Variants in CIZ1 observed in about 807,000 individuals in gnomAD.
The protein encoded by CIZ1 is CDKN1A interacting zinc finger protein 1.
In CIZ1, 58 loss-of-function variants were observed where a neutral mutation model predicts 118.6. The observed-to-expected ratio is 0.49, with a 90% CI of 0.40 to 0.61. The LOEUF (loss-of-function observed/expected upper bound fraction) is 0.61, where lower values mean the gene tolerates loss of function less well. Ranked by LOEUF, CIZ1 falls within the 20% of genes least tolerant of loss-of-function variation. CIZ1 has a pLI of 0.00. For missense variants in CIZ1, 921 were observed against 1,115.9 expected (o/e 0.83, Z 2.49); for synonymous variants, 448 against 443.4 (o/e 1.01, Z -0.13).
At position 128,174,985 on chromosome 9, in the gene CIZ1, A is replaced by G. The variant is rs139553562; in HGVS notation, c.1943+1366T>C. On this transcript the variant is annotated intron_variant, in intron 11 of 16. Transcript: ENST00000372938. Reference sequence around the variant, plus strand: ...AATGTTCTTGATGGCCTCAGGGCCAAGTAGGATTCAAGAGAAGACTTCATG... The same window carrying G: ...AATGTTCTTGATGGCCTCAGGGCCAGGTAGGATTCAAGAGAAGACTTCATG... Among the ~76,000 whole-genome samples, 1,411 of 152,308 alleles carry G rather than the reference A, an allele frequency of 9.3e-3. 25 individuals are homozygous for G. The highest frequency in any genetic ancestry group is 0.033 in the African/African-American group (1,354 of 41,562).
chr9:128,187,847 A>G lies in CIZ1; in HGVS notation c.358+16T>C, dbSNP rs1016493975. ...TATATATACATTTATATATATATAT[A>G]AAAAGCATATAATACCCAGTGTTGC... On this transcript the variant is annotated intron_variant, in intron 4 of 16. Transcript: ENST00000372938. 3.0e-6 allele frequency: 2 copies of G among 660,684 alleles called. No homozygotes were observed. The highest frequency in any genetic ancestry group is 2.0e-5 in the Admixed American group (1 of 49,934). The allele number at this position is 660,684 out of a possible 1,614,324, so 40.9% of individuals were successfully genotyped here.
intron 3 of CIZ1, among the ~76,000 whole-genome samples, 181 bp from the exon 4 acceptor site, chr9:128,188,115 A>G (rs1832663794): frequency 2.7e-5 from 1 of 36,854 alleles, no homozygotes; most frequent in African/African-American, 4.8e-5. Flanking sequence ...GAAAGAAAAA[A>G]GCAAAAAAAA....
chr9:128,201,502 T>G (rs1324001910), intron 1 of CIZ1, among the ~76,000 whole-genome samples: 1 of 152,206 alleles, frequency 6.6e-6, no homozygotes, highest in African/African-American at 2.4e-5. Context: ...CCAGCCATGA[T>G]GCCCTCTAGG....
At chr9:128,172,860 A>T (rs981571207) in intron 11 of CIZ1, among the ~76,000 whole-genome samples, 27 of 152,136 alleles carry the variant, frequency 1.8e-4, no homozygotes, top group African/African-American at 4.3e-4. Context: ...AGAAAAAAAA[A>T]TTTTTTTGTA....
chr9:128,181,778 G>A (rs138170923), intron 5 of CIZ1, among the ~76,000 whole-genome samples: 3,790 of 138,016 alleles, frequency 0.027, 115 homozygotes, highest in Non-Finnish European at 0.04. Context: ...GGGGGGGGGG[G>A]GGTCTCCCTT....
At position 128,190,829 on chromosome 9, in the gene CIZ1, A is replaced by AGCT. The variant is rs747501009; in HGVS notation, c.26_28dup (p.Gln9dup). ...CTGGAGCTGCTGCTGCTGTTGCTGG[A>AGCT]GCTGCTGCTGCTGCTGCTGGCTGAA... is the stretch of plus-strand genomic sequence containing the variant. On this transcript the variant is annotated inframe_insertion, in exon 2 of 17. Transcript: ENST00000372938. 93 of 1,536,732 alleles carry AGCT rather than the reference A, an allele frequency of 6.1e-5. No individual in the cohort carries two copies. Among genetic ancestry groups the AGCT allele is most frequent in the Non-Finnish European group, 7.4e-5 (84 of 1,141,930 alleles).
At chr9:128,199,613 G>A (rs760914957) in intron 1 of CIZ1, among the ~76,000 whole-genome samples, 8 of 151,806 alleles carry the variant, frequency 5.3e-5, no homozygotes, top group Non-Finnish European at 1.0e-4. Context: ...GCTGAGGCAG[G>A]AAGCCTACTT....
chr9:128,203,977 C>A lies in CIZ1; in HGVS notation c.-6+209G>T, dbSNP rs1265204981. On this transcript the variant is annotated intron_variant, in intron 1 of 17. Coordinates refer to the CIZ1 transcript ENST00000372948. This position sits in a 1 kb window ranked among gnomAD's most constrained non-coding sequence, Gnocchi z 5.3. ...CATGGAGAGAGCCCGCATTACTCAGCGTCTCCGTTGGGCTCCGGGAGTCCC... is the reference window on the plus strand; with the variant it reads ...CATGGAGAGAGCCCGCATTACTCAGAGTCTCCGTTGGGCTCCGGGAGTCCC... 2 of 163,178 alleles carry A rather than the reference C, an allele frequency of 1.2e-5. No homozygotes were observed. Among genetic ancestry groups the A allele is most frequent in the East Asian group, 1.7e-4 (1 of 5,788 alleles). 10.1% of individuals were successfully genotyped at this position (163,178 alleles called of 1,614,324 possible). A position where few individuals can be genotyped will look rare whatever the true frequency, so the allele number is the denominator to read the frequency against.
chr9:128,169,485 A>T lies in CIZ1; in HGVS notation c.2066T>A (p.Val689Asp). ...AKQSLRPFCT[V>D]CNRYFKTPRK... ...AGGGGTTTTGAAGTAGCGGTTGCAA[A>T]CGGTGCAGAAGGGTCGCAAGGATTG... is the stretch of plus-strand genomic sequence containing the variant. The change falls in exon 13 of 17, where the codon GTT becomes GAT. Residue 689 changes from valine to aspartate, a missense_variant. Coordinates refer to ENST00000372938, the MANE Select transcript of CIZ1 (RefSeq NM_001131016.2). 1 of 1,614,184 alleles carries T rather than the reference A, an allele frequency of 6.2e-7. No homozygotes were observed. Among genetic ancestry groups the T allele is most frequent in the Non-Finnish European group, 8.5e-7 (1 of 1,180,038 alleles).
intron 10 of CIZ1, among the ~76,000 whole-genome samples, chr9:128,177,270 G>C (rs16930301): frequency 1.3e-5 from 2 of 152,088 alleles, no homozygotes; most frequent in African/African-American, 4.8e-5. Context: ...ACTCAGAGCC[G>C]ATATGAACCA....
At chr9:128,196,498 C>T (rs1447184297), upstream of CIZ1, among the ~76,000 whole-genome samples, 1 of 150,704 alleles carries the variant, frequency 6.6e-6, no homozygotes, top group Admixed American at 6.6e-5. Flanking sequence ...CAGTGAGCCA[C>T]GATCGTGCCA....
chr9:128,186,811 C>T (rs370610935), intron 4 of CIZ1, among the ~76,000 whole-genome samples: 5 of 152,128 alleles, frequency 3.3e-5, no homozygotes, highest in African/African-American at 1.2e-4. Context: ...GCTGTTCTAC[C>T]CACTGACACC....
At position 128,177,672 on chromosome 9, in the gene CIZ1, C is replaced by T. The variant is rs370598569; in HGVS notation, c.1712G>A (p.Arg571His). 2.6e-5 allele frequency: 41 copies of T among 1,600,858 alleles called. No homozygotes were observed. Among genetic ancestry groups the T allele is most frequent in the Admixed American group, 1.0e-4 (6 of 58,068 alleles). The change falls in exon 10 of 17, where the codon CGC becomes CAC. Residue 571 changes from arginine to histidine, a missense_variant. Arg to His is a conservative substitution (Grantham distance 29, BLOSUM62 0). Coordinates refer to ENST00000372938, the MANE Select transcript of CIZ1 (RefSeq NM_001131016.2). The part of the protein sequence containing the change: ...FSTVPLTPVP[R>H]PSDSVSSTPA... Reference sequence around the variant, plus strand: ...GGTGGAGGAGACGGAGTCACTGGGGCGGGGGACAGGTGTCAGGGGTACAGT... The same window carrying T: ...GGTGGAGGAGACGGAGTCACTGGGGTGGGGGACAGGTGTCAGGGGTACAGT...
intron 5 of CIZ1, 80 bp from the exon 6 acceptor site, chr9:128,180,894 A>C: frequency 1.1e-5 from 11 of 1,011,400 alleles, no homozygotes; most frequent in Non-Finnish European, 1.5e-5. Context: ...GCTGCCCCCC[A>C]TCCTCCAGGG....
intron 11 of CIZ1, among the ~76,000 whole-genome samples, chr9:128,174,444 G>C (rs1161529661): frequency 6.6e-6 from 1 of 152,106 alleles, no homozygotes; most frequent in African/African-American, 2.4e-5. Context: ...CTAAGAAATG[G>C]TATCCCCTGG....
At chr9:128,189,855 A>T (rs1031450147) in intron 3 of CIZ1, among the ~76,000 whole-genome samples, 1 of 142,566 alleles carries the variant, frequency 7.0e-6, no homozygotes, top group Admixed American at 7.0e-5. Context: ...AAAAAAAAAA[A>T]AAGGAGCAGC....
intron 1 of CIZ1, among the ~76,000 whole-genome samples, chr9:128,202,538 G>A (rs1833561561): frequency 6.6e-6 from 1 of 152,072 alleles, no homozygotes; most frequent in Non-Finnish European, 1.5e-5. Flanking sequence ...TGCACTTGCT[G>A]GTCATTCAGC....
Position 128,170,140 on chromosome 9 carries a change from G to A in CIZ1, c.1944-33C>T, listed in dbSNP as rs147064374. 1.3e-5 allele frequency: 20 copies of A among 1,585,526 alleles called. No homozygotes were observed. The East Asian group carries it at 4.5e-4, about 35-fold the overall frequency. ...ACAACAGTCAAAGCAAGTACAATGT[G>A]ACGCCAGAAAGACAGCAGCTGTCTG... On this transcript the variant is annotated intron_variant, in intron 11 of 16. Transcript: ENST00000372938.
chr9:128,185,686 A>G lies in CIZ1; in HGVS notation c.449T>C (p.Phe150Ser). ...PQLATPNLQQ[F>S]FPQATRQSLL... is the part of the protein sequence containing the mutation. ...GGACTGGCGAGTGGCCTGGGGAAAG[A>G]ACTGTTGCAAATTTGGAGTGGCCAG... The change falls in exon 5 of 17, where the codon TTC becomes TCC. Residue 150 changes from phenylalanine (F) to serine (S), a missense_variant. Phe to Ser is a radical substitution (Grantham distance 155). Transcript: ENST00000372938. The G allele has an allele frequency of 6.2e-7, 1 of 1,608,660 alleles. No homozygotes were observed. The highest frequency in any genetic ancestry group is 8.5e-7 in the Non-Finnish European group (1 of 1,177,098).
Sources: gnomAD v4.1 joint callset for allele counts (sites outside exome capture counted in the v4.1 genomes callset) on GRCh38, gnomAD v4.1.1 for gene constraint, Gnocchi (gnomAD v3.1) non-coding constraint, MANE v1.5 for transcripts, NCBI Gene and HGNC (gene_info 2026-07-23, HGNC 2026-07-21) for gene names.